Variants in ZNF264 observed in about 807,000 individuals in gnomAD.
ZNF264 encodes zinc finger protein 264.
Under a neutral mutation model 11.2 loss-of-function variants are expected in ZNF264, and 11 were observed. The ratio of observed to expected loss-of-function variants is 0.98; its 90% CI spans 0.62 to 1.63. The LOEUF (loss-of-function observed/expected upper bound fraction) is 1.63, where lower values mean the gene tolerates loss of function less well. Ranked by LOEUF, ZNF264 falls within the 40% of genes most tolerant of loss-of-function variation. The pLI, the probability that ZNF264 is intolerant of heterozygous loss-of-function variation, is 0.00. For synonymous variants in ZNF264, 309 were observed against 279.8 expected, an observed-to-expected ratio of 1.10 and a Z score of -1.04; for missense variants, 752 against 768.1, an observed-to-expected ratio of 0.98 and a Z score of 0.25.
intron 2 of ZNF264, among the ~76,000 whole-genome samples, chr19:57,203,439 G>T (rs184649968): frequency 6.6e-6 from 1 of 152,158 alleles, no homozygotes; most frequent in Admixed American, 6.5e-5. Context: ...TCTGAGCAAC[G>T]TCAAGAAAAT....
At chr19:57,205,052 C>T (rs1022264777) in intron 2 of ZNF264, among the ~76,000 whole-genome samples, 2 of 151,870 alleles carry the variant, frequency 1.3e-5, no homozygotes, top group African/African-American at 4.8e-5. Context: ...TTTCTTTAGT[C>T]TAGAGGAAGA....
At chr19:57,205,922 A>G (rs2087288691) in intron 3 of ZNF264, among the ~76,000 whole-genome samples, 1 of 152,200 alleles carries the variant, frequency 6.6e-6, no homozygotes, top group African/African-American at 2.4e-5. Flanking sequence ...TTTCCCACTC[A>G]TACCAGGGAC....
chr19:57,191,974 C>T (rs764927058), intron 1 of ZNF264, 28 bp downstream of exon 1: 1 of 1,520,680 alleles, frequency 6.6e-7, no homozygotes, highest in Admixed American at 2.1e-5. Flanking sequence ...TCGCGGTTGC[C>T]GCTTCCTTGC....
At chr19:57,196,587 C>T (rs528277677) in intron 2 of ZNF264, among the ~76,000 whole-genome samples, 28 of 152,056 alleles carry the variant, frequency 1.8e-4, no homozygotes, top group Admixed American at 1.2e-3. Context: ...ATCCCTGCCA[C>T]TATGACCATT....
rs540154499 is a variant in ZNF264, at chr19:57,212,521, G to A, written c.1424G>A (p.Ser475Asn). The A allele has an allele frequency of 9.9e-6, 16 of 1,610,934 alleles. No homozygotes were observed. Among genetic ancestry groups the A allele is most frequent in the Non-Finnish European group, 1.4e-5 (16 of 1,179,200 alleles). Residue 475 changes from serine to asparagine, a missense_variant, in exon 4 of 4, where the codon AGC becomes AAC. Ser to Asn is a conservative substitution (Grantham distance 46). Coordinates refer to ENST00000263095, the MANE Select transcript of ZNF264 (RefSeq NM_003417.5). The part of the protein sequence containing the change: ...SNRKDLIRHF[S>N]IHTGEKPYEC... The stretch of plus-strand genomic sequence containing the variant: ...CGGAAGGACCTCATTCGCCACTTCA[G>A]CATCCACACTGGAGAGAAGCCCTAT...
intron 2 of ZNF264, among the ~76,000 whole-genome samples, chr19:57,198,914 C>G (rs933669472): frequency 2.6e-5 from 4 of 151,810 alleles, no homozygotes; most frequent in Admixed American, 2.0e-4. Context: ...TAAACTAGCC[C>G]AAGTCTGGAA....
In ZNF264 at chr19:57,213,037, C is replaced by A; in HGVS notation, c.*56C>A. 1.3e-6 allele frequency: 2 copies of A among 1,531,404 alleles called. No homozygotes were observed. The highest frequency in any genetic ancestry group is 2.5e-5 in the South Asian group (2 of 80,142). 94.9% of individuals were successfully genotyped at this position (1,531,404 alleles called of 1,614,324 possible). ...CATCTGAAGAGTCATATTAGAAATT[C>A]GTTCAGTCTAGAGCCTTATTCTCCA... is the stretch of plus-strand genomic sequence containing the variant. On this transcript the variant is annotated 3_prime_UTR_variant, in exon 4 of 4. Coordinates refer to ENST00000263095, the MANE Select transcript of ZNF264 (RefSeq NM_003417.5).
chr19:57,197,897 C>G (rs1474421417), intron 2 of ZNF264, among the ~76,000 whole-genome samples: 4 of 151,970 alleles, frequency 2.6e-5, no homozygotes, highest in Non-Finnish European at 5.9e-5. Flanking sequence ...AGATGTCTTA[C>G]CAGTAAGTCC....
intron 2 of ZNF264, 165 bp downstream of exon 2, chr19:57,194,166 A>G (rs145619466): frequency 4.1e-6 from 4 of 985,472 alleles, no homozygotes; most frequent in South Asian, 2.0e-5. Flanking sequence ...CTGGTCTCCT[A>G]TATCTCTGGG....
At chr19:57,207,128 C>T (rs1183568647) in intron 3 of ZNF264, among the ~76,000 whole-genome samples, 1 of 149,950 alleles carries the variant, frequency 6.7e-6, no homozygotes, top group Non-Finnish European at 1.5e-5. Context: ...TGATCTTGCT[C>T]ACTCCTGCCA....
At chr19:57,208,600 TTAA>T (rs1365660371) in intron 3 of ZNF264, among the ~76,000 whole-genome samples, 1 of 152,004 alleles carries the variant, frequency 6.6e-6, no homozygotes, top group African/African-American at 2.4e-5. Context: ...CAAAAAAAAA[TTAA>T]TAATAATTTT....
At position 57,191,561 on chromosome 19, in the gene ZNF264, C is replaced by CT; in HGVS notation, c.-350dup. 1 of 271,184 alleles carries CT rather than the reference C, an allele frequency of 3.7e-6. No homozygotes were observed. The allele number at this position is 271,184 out of a possible 1,614,324, so 16.8% of individuals were successfully genotyped here. The stretch of plus-strand genomic sequence containing the variant: ...CCACTGAGGGCCCCGGTCGGGGCCG[C>CT]TTTGCAGGTCCCTAGTCAGGACCGA... On this transcript the variant is annotated 5_prime_UTR_variant, in exon 1 of 4. Transcript: ENST00000263095.
At chr19:57,208,123 G>A (rs1444369648) in intron 3 of ZNF264, among the ~76,000 whole-genome samples, 5 of 152,204 alleles carry the variant, frequency 3.3e-5, no homozygotes, top group Non-Finnish European at 5.9e-5. Context: ...CCAAAGTGCA[G>A]GGATTACAGG....
At chr19:57,211,055 TA>T (rs939135376) in intron 3 of ZNF264, among the ~76,000 whole-genome samples, 15 of 152,282 alleles carry the variant, frequency 9.9e-5, no homozygotes, top group Non-Finnish European at 1.3e-4. Flanking sequence ...ACAGGAAGCT[TA>T]CCATGCACGG....
In ZNF264 at chr19:57,191,572, C is replaced by G. The variant is rs1481367369; in HGVS notation, c.-342C>G. The G allele has an allele frequency of 1.0e-5, 3 of 287,188 alleles. No individual in the cohort carries two copies. In the Admixed American group the frequency reaches 1.6e-4, roughly 15 times the overall value. The allele number at this position is 287,188 out of a possible 1,614,324, so 17.8% of individuals were successfully genotyped here. A position where few individuals can be genotyped will look rare whatever the true frequency, so the allele number is the denominator to read the frequency against. On this transcript the variant is annotated 5_prime_UTR_variant, in exon 1 of 4. Transcript: ENST00000263095. ...CCCGGTCGGGGCCGCTTTGCAGGTC[C>G]CTAGTCAGGACCGAGCAGGGGAGTA...
chr19:57,209,069 T>C (rs964673661), intron 3 of ZNF264, among the ~76,000 whole-genome samples: 5 of 152,166 alleles, frequency 3.3e-5, no homozygotes, highest in African/African-American at 9.6e-5. Context: ...TTCTTATCCT[T>C]ACCTTTTATC....
chr19:57,193,651 G>C lies in ZNF264; in HGVS notation c.34-224G>C, dbSNP rs552574376. The C allele has an allele frequency of 5.4e-6, 4 of 742,246 alleles. No homozygotes were observed. In the African/African-American group the frequency reaches 7.6e-5, roughly 14 times the overall value. 46.0% of individuals were successfully genotyped at this position (742,246 alleles called of 1,614,324 possible). On this transcript the variant is annotated intron_variant, in intron 1 of 3. Transcript: ENST00000263095. ...GTCCACAAGTTGTTTCCGTTGTCCT[G>C]TGTCATTCTCTAACGGCCGTTAAAT... is the stretch of plus-strand genomic sequence containing the variant.
rs1286860279 is a variant in ZNF264, at chr19:57,221,583, G to A, written c.*8602G>A. 3.9e-5 allele frequency: 6 copies of A among 152,328 alleles called. No homozygotes were observed. In the East Asian group the frequency reaches 1.2e-3, roughly 29 times the overall value. 9.4% of individuals were successfully genotyped at this position (152,328 alleles called of 1,614,324 possible). ...GCACAATCTTCTGAGTCTTGTTTCAGTGAAGTCACAGGATGTGCCTTATTT... is the reference window on the plus strand; with the variant it reads ...GCACAATCTTCTGAGTCTTGTTTCAATGAAGTCACAGGATGTGCCTTATTT... On this transcript the variant is annotated 3_prime_UTR_variant, in exon 4 of 4. Coordinates refer to ENST00000263095, the MANE Select transcript of ZNF264 (RefSeq NM_003417.5).
At chr19:57,195,957 C>T (rs904366188) in intron 2 of ZNF264, among the ~76,000 whole-genome samples, 1 of 151,776 alleles carries the variant, frequency 6.6e-6, no homozygotes, top group Non-Finnish European at 1.5e-5. Flanking sequence ...GTGCCATTTG[C>T]ACTTCCACCC....
Sources: gnomAD v4.1 joint callset for allele counts (sites outside exome capture counted in the v4.1 genomes callset) on GRCh38, gnomAD v4.1.1 for gene constraint, MANE v1.5 for transcripts, NCBI Gene and HGNC (gene_info 2026-07-23, HGNC 2026-07-21) for gene names.